The following SOX6 variants were observed in gnomAD, a reference collection of about 807,000 sequenced individuals.
The protein encoded by SOX6 is transcription factor SOX-6.
Under a neutral mutation model 97.8 loss-of-function variants are expected in SOX6, and 11 were observed. The ratio of observed to expected loss-of-function variants is 0.11; its 90% CI spans 0.07 to 0.19. SOX6 has a LOEUF of 0.19. Ranked by LOEUF, SOX6 falls within the 10% of genes least tolerant of loss-of-function variation. The probability of loss-of-function intolerance (pLI) is 1.00; values close to 1 mark genes in which losing one functional copy is unlikely to be tolerated. For synonymous variants in SOX6, 360 were observed against 371.4 expected, an observed-to-expected ratio of 0.97 and a Z score of 0.35; for missense variants, 810 against 1,039.5, an observed-to-expected ratio of 0.78 and a Z score of 3.04.
chr11:16,112,763 T>G (rs1051759926), intron 6 of SOX6, among the ~76,000 whole-genome samples: 10 of 152,286 alleles, frequency 6.6e-5, no homozygotes, highest in African/African-American at 2.4e-4. Context: ...AAATTACATT[T>G]TAATTTCCTA....
intron 3 of SOX6, among the ~76,000 whole-genome samples, chr11:16,631,189 G>C (rs1203233737): frequency 6.6e-6 from 1 of 151,268 alleles, no homozygotes; most frequent in Non-Finnish European, 1.5e-5. Flanking sequence ...TTTAGGCTAT[G>C]TACCTAAGTG....
chr11:16,331,781 C>T lies in SOX6; in HGVS notation c.237+9231G>A, dbSNP rs535048676. 5.9e-5 allele frequency among the ~76,000 whole-genome samples: 9 copies of T among 152,242 alleles called. No homozygotes were observed. The South Asian group carries it at 1.0e-3, about 18-fold the overall frequency. On this transcript the variant is annotated intron_variant, in intron 2 of 15. Transcript: ENST00000683767. Reference sequence around the variant, plus strand: ...GGCACAAAATGTCACCAATTTAACACAAGGCAGCAAATTAAAAGTCTAACT... The same window carrying T: ...GGCACAAAATGTCACCAATTTAACATAAGGCAGCAAATTAAAAGTCTAACT...
At chr11:16,318,378 T>G (rs1341156500) in intron 3 of SOX6, 68 bp downstream of exon 3, 1 of 1,561,176 alleles carries the variant, frequency 6.4e-7, no homozygotes, top group Non-Finnish European at 8.8e-7. Context: ...CCCACTTTTT[T>G]TTTTTTTTTA....
chr11:16,261,134 A>G (rs1043474018), intron 3 of SOX6, among the ~76,000 whole-genome samples: 2 of 152,170 alleles, frequency 1.3e-5, no homozygotes, highest in Admixed American at 6.6e-5. Flanking sequence ...ACTTTGTTAT[A>G]ATTAATTTAC....
chr11:16,082,183 G>A (rs1055656130), intron 9 of SOX6, among the ~76,000 whole-genome samples: 2 of 152,128 alleles, frequency 1.3e-5, no homozygotes, highest in East Asian at 3.8e-4. Flanking sequence ...CTTCTGGAAA[G>A]TCTGAGTTAA....
chr11:16,561,885 C>T (rs1398729897), intron 4 of SOX6, among the ~76,000 whole-genome samples: 1 of 134,700 alleles, frequency 7.4e-6, no homozygotes, highest in African/African-American at 2.7e-5. Flanking sequence ...CACATCACCA[C>T]ACCTGGCTAA....
chr11:16,376,255 T>G (rs921768633), intron 1 of SOX6, among the ~76,000 whole-genome samples: 6 of 152,168 alleles, frequency 3.9e-5, no homozygotes, highest in Admixed American at 3.3e-4. Flanking sequence ...TGATTTCTTT[T>G]CTTCCTGGAT....
chr11:16,148,103 G>T (rs1047156484), intron 6 of SOX6, among the ~76,000 whole-genome samples: 4 of 152,162 alleles, frequency 2.6e-5, no homozygotes, highest in Non-Finnish European at 5.9e-5. Flanking sequence ...GCCTGAGCCT[G>T]CCTTTTAGCT....
intron 6 of SOX6, among the ~76,000 whole-genome samples, chr11:16,144,215 C>T (rs1052064252): frequency 1.3e-5 from 2 of 152,200 alleles, no homozygotes; most frequent in Non-Finnish European, 2.9e-5. Flanking sequence ...AACCACTCAA[C>T]TACATGGAAA....
intron 9 of SOX6, among the ~76,000 whole-genome samples, chr11:16,064,383 T>A (rs1314016412): frequency 6.6e-6 from 1 of 150,956 alleles, no homozygotes; most frequent in Non-Finnish European, 1.5e-5. Context: ...CTCTGTCATT[T>A]CAATTTATTA....
chr11:16,335,148 T>C (rs1856418885), intron 2 of SOX6, among the ~76,000 whole-genome samples: 1 of 152,196 alleles, frequency 6.6e-6, no homozygotes, highest in Admixed American at 6.5e-5. Flanking sequence ...AAAGAGATAG[T>C]ACCGTATGCA....
chr11:16,226,330 T>G (rs1852688785), intron 4 of SOX6, among the ~76,000 whole-genome samples: 1 of 52,124 alleles, frequency 1.9e-5, no homozygotes, highest in African/African-American at 7.8e-5. Flanking sequence ...TTTTTGTTTT[T>G]GTTTTTGTTT....
chr11:16,033,083 C>T (rs964282639), intron 12 of SOX6, among the ~76,000 whole-genome samples: 14 of 152,146 alleles, frequency 9.2e-5, no homozygotes, highest in African/African-American at 3.1e-4. Context: ...CTACACTCTC[C>T]TGTAGGTCAG....
intron 4 of SOX6, among the ~76,000 whole-genome samples, chr11:16,574,332 C>T (rs1014039931): frequency 6.6e-6 from 1 of 151,950 alleles, no homozygotes; most frequent in Non-Finnish European, 1.5e-5. Context: ...CCAAAGAAAC[C>T]CATGTTTATA....
At chr11:16,030,220 T>G (rs1855330948) in intron 12 of SOX6, among the ~76,000 whole-genome samples, 1 of 152,166 alleles carries the variant, frequency 6.6e-6, no homozygotes, top group African/African-American at 2.4e-5. Context: ...ATTTAGAAAC[T>G]CTTAGGTTTG....
intron 4 of SOX6, among the ~76,000 whole-genome samples, chr11:16,516,543 C>T (rs1293942491): frequency 6.6e-6 from 1 of 152,020 alleles, no homozygotes; most frequent in Admixed American, 6.6e-5. Context: ...GAGAATACTA[C>T]AAACACCTCT....
chr11:16,450,247 C>T (rs1339548065), intron 1 of SOX6, among the ~76,000 whole-genome samples: 1 of 152,120 alleles, frequency 6.6e-6, no homozygotes, highest in East Asian at 1.9e-4. Flanking sequence ...TTTAAAGTAG[C>T]AAGAATTCAA....
At chr11:16,308,791 C>G (rs926359564) in intron 3 of SOX6, among the ~76,000 whole-genome samples, 16 of 152,078 alleles carry the variant, frequency 1.1e-4, no homozygotes, top group Admixed American at 6.6e-5. Context: ...CCTAACAAAC[C>G]TAGTAATCAC....
chr11:16,164,535 T>A (rs1850833238), intron 6 of SOX6, among the ~76,000 whole-genome samples: 1 of 152,050 alleles, frequency 6.6e-6, no homozygotes, highest in Admixed American at 6.6e-5. Flanking sequence ...TGAAAGTTCA[T>A]GGAGAGGGCC....
Sources: gnomAD v4.1 joint callset for allele counts (sites outside exome capture counted in the v4.1 genomes callset) on GRCh38, gnomAD v4.1.1 for gene constraint, MANE v1.5 for transcripts, NCBI Gene and HGNC (gene_info 2026-07-23, HGNC 2026-07-21) for gene names.